The following PLOD2 variants were observed in gnomAD, a reference collection of about 807,000 sequenced individuals.
PLOD2 encodes the protein procollagen-lysine,2-oxoglutarate 5-dioxygenase 2.
In PLOD2, 65 loss-of-function variants were observed where a neutral mutation model predicts 101.0. The ratio of observed to expected loss-of-function variants is 0.64; its 90% CI spans 0.53 to 0.79. The LOEUF (loss-of-function observed/expected upper bound fraction) is 0.79, where lower values mean the gene tolerates loss of function less well. PLOD2 is among the 30% of genes least tolerant of loss of function. The pLI is 0.00. For missense variants in PLOD2, 909 were observed against 914.6 expected (o/e 0.99, Z 0.08); for synonymous variants, 314 against 302.9 (o/e 1.04, Z -0.38).
chr3:146,073,406 A>G lies in PLOD2; in HGVS notation c.1678-54T>C, dbSNP rs1439667689. ...ATATCTTTATAAATACTTCACTGAA[A>G]AGTATAAAGCATATGCATTTTAGAA... On this transcript the variant is annotated intron_variant, in intron 15 of 19. Coordinates refer to ENST00000282903, the MANE Select transcript of PLOD2 (RefSeq NM_182943.3). The G allele has an allele frequency of 5.9e-6, 4 of 678,566 alleles. No homozygotes were observed. The East Asian group carries it at 1.1e-4, about 19-fold the overall frequency. The allele number at this position is 678,566 out of a possible 1,614,324, so 42.0% of individuals were successfully genotyped here.
chr3:146,090,916 G>C (rs941048188), intron 8 of PLOD2, among the ~76,000 whole-genome samples: 1 of 151,746 alleles, frequency 6.6e-6, no homozygotes, highest in African/African-American at 2.4e-5. Flanking sequence ...GAAAAAATCA[G>C]TCTTAATGAC....
In PLOD2 at chr3:146,070,037, A is replaced by T. The variant is rs1425495128; in HGVS notation, c.*680T>A. The stretch of plus-strand genomic sequence containing the variant: ...CCTGCTTAATATAATCCACTTTGGA[A>T]GATTCATCTGAAAGAAACATAGGGT... On this transcript the variant is annotated 3_prime_UTR_variant, in exon 20 of 20. Transcript: ENST00000282903. The T allele has an allele frequency of 6.6e-6, 1 of 151,936 alleles. No homozygotes were observed. Among genetic ancestry groups the T allele is most frequent in the Non-Finnish European group, 1.5e-5 (1 of 67,880 alleles). 9.4% of individuals were successfully genotyped at this position (151,936 alleles called of 1,614,324 possible).
At chr3:146,072,063 G>A (rs1233595857) in intron 17 of PLOD2, among the ~76,000 whole-genome samples, 1 of 151,656 alleles carries the variant, frequency 6.6e-6, no homozygotes, top group Non-Finnish European at 1.5e-5. Context: ...CTAACCACTG[G>A]CAGTAGTATT....
At chr3:146,093,075 G>A (rs1937031665) in intron 7 of PLOD2, among the ~76,000 whole-genome samples, 1 of 152,110 alleles carries the variant, frequency 6.6e-6, no homozygotes, top group African/African-American at 2.4e-5. Context: ...GTCAACTAGA[G>A]TTTTCTAGCT....
intron 3 of PLOD2, among the ~76,000 whole-genome samples, chr3:146,112,210 G>T (rs1315417617): frequency 1.3e-5 from 2 of 152,132 alleles, no homozygotes; most frequent in Admixed American, 6.5e-5. Flanking sequence ...TATGTCTACT[G>T]CAGCATTATT....
At position 146,131,388 on chromosome 3, in the gene PLOD2, C is replaced by G. The variant is rs527737595; in HGVS notation, c.110-7159G>C. Among the ~76,000 whole-genome samples the G allele has an allele frequency of 3.9e-5, 6 of 152,278 alleles. No individual in the cohort carries two copies. The South Asian group carries it at 1.0e-3, about 26-fold the overall frequency. The stretch of plus-strand genomic sequence containing the variant: ...GTCTTGGGGATGTCCGACATATTAT[C>G]CTAGCTACAGTCAGAAAGTCTTATC... On this transcript the variant is annotated intron_variant, in intron 1 of 19. Transcript: ENST00000282903.
intron 9 of PLOD2, among the ~76,000 whole-genome samples, chr3:146,087,854 A>G (rs1338485520): frequency 1.3e-5 from 2 of 151,828 alleles, no homozygotes; most frequent in African/African-American, 4.8e-5. Flanking sequence ...CATTTAAGCT[A>G]GTTTTCTGCA....
In PLOD2 at chr3:146,161,117, G is replaced by T; in HGVS notation, c.-128C>A. 2 of 489,778 alleles carry T rather than the reference G, an allele frequency of 4.1e-6. No homozygotes were observed. The highest frequency in any genetic ancestry group is 6.7e-6 in the Non-Finnish European group (2 of 298,572). The allele number at this position is 489,778 out of a possible 1,614,324, so 30.3% of individuals were successfully genotyped here. ...GCGGGCGGGAGCCGGCGGGCAAGGCGCGCGGCCGGCAGCCGGAGCGGCGCG... is the reference window on the plus strand; with the variant it reads ...GCGGGCGGGAGCCGGCGGGCAAGGCTCGCGGCCGGCAGCCGGAGCGGCGCG... On this transcript the variant is annotated 5_prime_UTR_variant, in exon 1 of 20. Transcript: ENST00000282903.
rs796603820 is a variant in PLOD2 at position 146,120,678 on chromosome 3, G to A, written c.338+434C>T. ...AAAAGAAACTACCATCAGAGCGAAC[G>A]GGCAACCTACAGAATAGTAATATCT... On this transcript the variant is annotated intron_variant, in intron 3 of 19. Transcript: ENST00000282903. Among the ~76,000 whole-genome samples, 43 of 152,134 alleles carry A rather than the reference G, an allele frequency of 2.8e-4. 1 individual carries two copies. Among genetic ancestry groups the A allele is most frequent in the African/African-American group, 9.4e-4 (39 of 41,534 alleles).
intron 1 of PLOD2, among the ~76,000 whole-genome samples, chr3:146,133,359 T>C (rs1488756043): frequency 1.3e-5 from 2 of 152,166 alleles, no homozygotes; most frequent in East Asian, 1.9e-4. Flanking sequence ...AAAGTATCCA[T>C]ATACTTCAGA....
intron 1 of PLOD2, among the ~76,000 whole-genome samples, chr3:146,124,762 T>C (rs1460924874): frequency 2.6e-5 from 4 of 152,144 alleles, no homozygotes; most frequent in Non-Finnish European, 5.9e-5. Context: ...AATTTTTTTC[T>C]CCTATCCGGG....
intron 1 of PLOD2, among the ~76,000 whole-genome samples, chr3:146,149,995 T>A (rs1177239638): frequency 2.6e-5 from 4 of 152,156 alleles, no homozygotes; most frequent in Non-Finnish European, 4.4e-5. Context: ...TACCACTCAC[T>A]AGATATGCTC....
At chr3:146,093,083 G>A (rs545350038) in intron 7 of PLOD2, among the ~76,000 whole-genome samples, 7 of 152,116 alleles carry the variant, frequency 4.6e-5, no homozygotes, top group Non-Finnish European at 8.8e-5. Context: ...GAGTTTTCTA[G>A]CTTCTTAAAG....
At chr3:146,092,169 C>T (rs1036693507) in intron 7 of PLOD2, among the ~76,000 whole-genome samples, 3 of 150,798 alleles carry the variant, frequency 2.0e-5, no homozygotes, top group African/African-American at 7.3e-5. Flanking sequence ...GATATAATAC[C>T]GGAAAGGATG....
intron 1 of PLOD2, among the ~76,000 whole-genome samples, chr3:146,155,629 T>A (rs2032270021): frequency 6.7e-6 from 1 of 148,822 alleles, no homozygotes; most frequent in African/African-American, 2.5e-5. Context: ...GGCAGACAAT[T>A]GCTTGAACCC....
At position 146,131,091 on chromosome 3, in the gene PLOD2, A is replaced by G. The variant is rs564065070; in HGVS notation, c.110-6862T>C. Among the ~76,000 whole-genome samples the G allele has an allele frequency of 3.3e-4, 51 of 152,320 alleles. 1 individual carries two copies. The highest frequency in any genetic ancestry group is 1.0e-3 in the African/African-American group (43 of 41,568). ...ACCATTCTCCAGAAAAGTTATGGGC[A>G]CTGAATCTCTAATGAGCTTCCATGG... On this transcript the variant is annotated intron_variant, in intron 1 of 19. Coordinates refer to ENST00000282903, the MANE Select transcript of PLOD2 (RefSeq NM_182943.3).
At chr3:146,080,075 A>C (rs1053942104) in intron 12 of PLOD2, among the ~76,000 whole-genome samples, 2 of 151,990 alleles carry the variant, frequency 1.3e-5, no homozygotes, top group Non-Finnish European at 2.9e-5. Flanking sequence ...AAATGCAGTT[A>C]GATATTAACG....
At chr3:146,160,025 G>A (rs925292174) in intron 1 of PLOD2, among the ~76,000 whole-genome samples, 1 of 152,086 alleles carries the variant, frequency 6.6e-6, no homozygotes, top group Non-Finnish European at 1.5e-5. Flanking sequence ...GTGCCAAGAT[G>A]ACTTAACAAA....
intron 1 of PLOD2, among the ~76,000 whole-genome samples, chr3:146,151,707 T>C (rs961701386): frequency 6.6e-6 from 1 of 152,216 alleles, no homozygotes; most frequent in African/African-American, 2.4e-5. Flanking sequence ...CTCCGTTTTA[T>C]ACATACATTA....
Sources: allele counts gnomAD v4.1 joint callset (sites outside exome capture counted in the v4.1 genomes callset), GRCh38; gene constraint gnomAD v4.1.1; transcripts MANE v1.5; gene names NCBI Gene and HGNC (gene_info 2026-07-23, HGNC 2026-07-21).